Variants in SYN3 observed in about 807,000 individuals in gnomAD.
The protein encoded by SYN3 is synapsin III.
In SYN3, 35 loss-of-function variants were observed where a neutral mutation model predicts 65.8. The ratio of observed to expected loss-of-function variants is 0.53; its 90% confidence interval spans 0.41 to 0.70. SYN3 has a LOEUF of 0.70. SYN3 is among the 30% of genes least tolerant of loss of function. The pLI is 0.00. For missense variants in SYN3, 680 were observed against 749.0 expected (o/e 0.91, Z 1.08); for synonymous variants, 270 against 292.9 (o/e 0.92, Z 0.80).
At chr22:33,008,955 A>G (rs2053273370) in intron 1 of SYN3, among the ~76,000 whole-genome samples, 8 of 142,936 alleles carry the variant, frequency 5.6e-5, no homozygotes, top group African/African-American at 1.9e-4. Context: ...AAAAAAAAAA[A>G]AAAAAAAAGA....
intron 4 of SYN3, among the ~76,000 whole-genome samples, chr22:32,905,827 T>G (rs1296675779): frequency 1.3e-5 from 2 of 152,220 alleles, no homozygotes; most frequent in East Asian, 1.9e-4. Flanking sequence ...GAAGAGATAC[T>G]GGCACCCCCT....
intron 1 of SYN3, among the ~76,000 whole-genome samples, chr22:33,017,979 C>T (rs111418617): frequency 1.3e-5 from 2 of 152,196 alleles, no homozygotes; most frequent in African/African-American, 4.8e-5. Context: ...GAACAAGATT[C>T]TTGTAAGAGA....
chr22:32,728,104 G>T (rs553689965), intron 6 of SYN3, among the ~76,000 whole-genome samples: 48 of 152,262 alleles, frequency 3.2e-4, no homozygotes, highest in Admixed American at 2.9e-3. Context: ...ATGGATTAAA[G>T]ACTTAAATGT....
At chr22:33,029,881 C>T (rs1220381095) in intron 1 of SYN3, among the ~76,000 whole-genome samples, 1 of 152,168 alleles carries the variant, frequency 6.6e-6, no homozygotes, top group Non-Finnish European at 1.5e-5. Context: ...TACAGAGGCA[C>T]TTATAGCTCC....
intron 4 of SYN3, among the ~76,000 whole-genome samples, chr22:32,917,811 C>A (rs766459843): frequency 9.2e-5 from 14 of 152,260 alleles, no homozygotes; most frequent in Admixed American, 7.2e-4. Context: ...AGCAGCGGAG[C>A]CTGGCATCGC....
At chr22:33,050,503 A>AT (rs1449290780) in intron 1 of SYN3, among the ~76,000 whole-genome samples, 3 of 151,160 alleles carry the variant, frequency 2.0e-5, no homozygotes, top group African/African-American at 7.3e-5. Flanking sequence ...AAAAAAACAA[A>AT]ACAAAGCAAA....
At chr22:32,963,357 G>T (rs545542340) in intron 3 of SYN3, among the ~76,000 whole-genome samples, 1 of 151,596 alleles carries the variant, frequency 6.6e-6, no homozygotes, top group East Asian at 1.9e-4. Context: ...AAAGTGCTGG[G>T]ATTATAGGCA....
Position 32,832,282 on chromosome 22 carries a change from G to C in SYN3, c.711+32633C>G, listed in dbSNP as rs1482378380. ...ACAACTTGGACCACTACAACGAAGA[G>C]AAAGTGGAACCCAGGGGAAATGCAT... is the stretch of plus-strand genomic sequence containing the variant. On this transcript the variant is annotated intron_variant, in intron 6 of 13. Coordinates refer to ENST00000358763, the MANE Select transcript of SYN3 (RefSeq NM_003490.4). 2.6e-5 allele frequency among the ~76,000 whole-genome samples: 4 copies of C among 151,418 alleles called. No individual in the cohort carries two copies. The East Asian group carries it at 7.7e-4, about 29-fold the overall frequency.
At chr22:32,601,325 T>C (rs927120556) in intron 6 of SYN3, among the ~76,000 whole-genome samples, 1 of 151,926 alleles carries the variant, frequency 6.6e-6, no homozygotes, top group Non-Finnish European at 1.5e-5. Context: ...TCGCCCAGGC[T>C]GGAGTGCAGT....
intron 6 of SYN3, among the ~76,000 whole-genome samples, chr22:32,802,671 T>C (rs2046622030): frequency 6.6e-6 from 1 of 152,166 alleles, no homozygotes; most frequent in Non-Finnish European, 1.5e-5. Context: ...ACCGAGCTTC[T>C]GGGACTGCCA....
chr22:32,732,315 C>T, intron 6 of SYN3, among the ~76,000 whole-genome samples: 1 of 152,252 alleles, frequency 6.6e-6, no homozygotes, highest in Non-Finnish European at 1.5e-5. Context: ...ATCAGATCTA[C>T]TCAAGAACTC....
intron 7 of SYN3, among the ~76,000 whole-genome samples, chr22:32,575,077 G>A (rs1169964292): frequency 6.6e-6 from 1 of 152,214 alleles, no homozygotes; most frequent in African/African-American, 2.4e-5. Context: ...TTTTCAAACT[G>A]AATTCTATGG....
intron 1 of SYN3, among the ~76,000 whole-genome samples, chr22:33,048,624 C>T (rs1372021220): frequency 6.6e-6 from 1 of 152,126 alleles, no homozygotes; most frequent in Non-Finnish European, 1.5e-5. Context: ...ATGTGATATG[C>T]CTGTTACCCC....
At chr22:32,549,216 G>GA (rs1240291145) in intron 7 of SYN3, among the ~76,000 whole-genome samples, 1 of 151,424 alleles carries the variant, frequency 6.6e-6, no homozygotes, top group Admixed American at 6.6e-5. Flanking sequence ...GCTATGGCGT[G>GA]AAAAAAATAG....
intron 6 of SYN3, among the ~76,000 whole-genome samples, chr22:32,813,111 A>G (rs577529083): frequency 6.6e-6 from 1 of 152,238 alleles, no homozygotes; most frequent in Non-Finnish European, 1.5e-5. Context: ...GACCAGGCAC[A>G]GAAGCTGGAT....
intron 3 of SYN3, among the ~76,000 whole-genome samples, chr22:32,933,808 T>C (rs117500075): frequency 0.011 from 1,644 of 152,280 alleles, 8 homozygotes; most frequent in Middle Eastern, 0.017. Context: ...AGGTGGCTTA[T>C]AACTGGGAAT....
intron 6 of SYN3, among the ~76,000 whole-genome samples, chr22:32,835,878 A>G (rs2146162632): frequency 6.6e-6 from 1 of 152,338 alleles, no homozygotes; most frequent in East Asian, 1.9e-4. Flanking sequence ...ATTCTTAGAC[A>G]TTACAAGAGT....
intron 7 of SYN3, among the ~76,000 whole-genome samples, chr22:32,569,555 C>CTGTGTA (rs1230609085): frequency 9.1e-6 from 1 of 109,720 alleles, no homozygotes; most frequent in African/African-American, 3.5e-5. Flanking sequence ...CTCTCTCTCT[C>CTGTGTA]TCTCTCTCTC....
Position 32,587,141 on chromosome 22 carries a change from GA to G in SYN3, c.774+9532del, listed in dbSNP as rs2059056897. Reference sequence around the variant, plus strand: ...GGAGGCTGAGGCAGGAGAATCGCTTGAACCTGGGAGGCAGAGGTTGCAGTGA... The same window carrying G: ...GGAGGCTGAGGCAGGAGAATCGCTTGACCTGGGAGGCAGAGGTTGCAGTGA... On this transcript the variant is annotated intron_variant, in intron 7 of 13. Coordinates refer to ENST00000358763, the MANE Select transcript of SYN3 (RefSeq NM_003490.4). 8.0e-5 allele frequency among the ~76,000 whole-genome samples: 12 copies of G among 149,110 alleles called. No individual in the cohort carries two copies. In the South Asian group the frequency reaches 2.6e-3, roughly 32 times the overall value.
Sources: allele counts gnomAD v4.1 joint callset (sites outside exome capture counted in the v4.1 genomes callset), GRCh38; gene constraint gnomAD v4.1.1; transcripts MANE v1.5; gene names NCBI Gene and HGNC (gene_info 2026-07-23, HGNC 2026-07-21).